Variants in HSD17B14 observed in about 807,000 individuals in gnomAD.
HSD17B14 encodes L-fucose dehydrogenase.
A neutral mutation model predicts 32.2 loss-of-function variants in HSD17B14; 32 were observed. That is an observed-to-expected ratio of 0.99 (90% CI 0.75 to 1.33). HSD17B14 has a LOEUF of 1.33. HSD17B14 is among the 40% of genes most tolerant of loss of function. The pLI, the probability that HSD17B14 is intolerant of heterozygous loss-of-function variation, is 0.00. For synonymous variants in HSD17B14, 140 were observed against 155.4 expected (o/e 0.90, Z 0.74); for missense variants, 370 against 366.5 (o/e 1.01, Z -0.08).
At chr19:48,833,562 C>T (rs1314391229) in intron 3 of HSD17B14, among the ~76,000 whole-genome samples, 3 of 151,806 alleles carry the variant, frequency 2.0e-5, no homozygotes, top group East Asian at 1.9e-4. Flanking sequence ...CACGGTGGCT[C>T]ATGCTTGTAA....
At chr19:48,822,267 CGGT>C (rs1194555271) in intron 5 of HSD17B14, among the ~76,000 whole-genome samples, 6 of 95,200 alleles carry the variant, frequency 6.3e-5, no homozygotes, top group Non-Finnish European at 1.1e-4. Flanking sequence ...TTAGTAATGA[CGGT>C]GGTGATGATG....
At chr19:48,829,885 C>T (rs868210344) in intron 5 of HSD17B14, among the ~76,000 whole-genome samples, 1 of 150,870 alleles carries the variant, frequency 6.6e-6, no homozygotes, top group African/African-American at 2.4e-5. Context: ...TCAGGTGATC[C>T]GCCTGCCTCG....
chr19:48,833,431 C>G (rs1444019079), intron 3 of HSD17B14, among the ~76,000 whole-genome samples: 1 of 152,164 alleles, frequency 6.6e-6, no homozygotes, highest in Non-Finnish European at 1.5e-5. Context: ...GTGGCTCACA[C>G]CTGTAATCCC....
At position 48,815,043 on chromosome 19, in the gene HSD17B14, G is replaced by T. The variant is rs2035028026; in HGVS notation, c.468C>A (p.Ala156=). Reference sequence around the variant, plus strand: ...GGGGTAGGGGCTGCCATACCTTGGTGGCCACATAGGGAACTGCCTGGGCCT... The same window carrying T: ...GGGGTAGGGGCTGCCATACCTTGGTTGCCACATAGGGAACTGCCTGGGCCT... ...IGQAQAVPYV[A]TKGAVTAMTK... Residue 156 remains alanine (A), a synonymous_variant, in exon 6 of 9, where the codon GCC becomes GCA. Transcript: ENST00000263278. The T allele has an allele frequency of 6.2e-7, 1 of 1,612,910 alleles. No homozygotes were observed. Among genetic ancestry groups the T allele is most frequent in the Non-Finnish European group, 8.5e-7 (1 of 1,179,120 alleles).
At chr19:48,834,428 C>A (rs539226578) in intron 2 of HSD17B14, 70 bp from the exon 3 acceptor site, 10 of 962,974 alleles carry the variant, frequency 1.0e-5, no homozygotes, top group Admixed American at 6.8e-5. Flanking sequence ...GACTTGGACT[C>A]CTGGGTCTGA....
At chr19:48,826,542 T>TATATATACACACAC in intron 5 of HSD17B14, among the ~76,000 whole-genome samples, 64 of 80,106 alleles carry the variant, frequency 8.0e-4, no homozygotes, top group African/African-American at 3.3e-3. Context: ...TATATATATA[T>TATATATACACACAC]ACACACACAC....
Position 48,813,060 on chromosome 19 carries a change from C to T in HSD17B14, c.*115G>A, listed in dbSNP as rs2034986706. On this transcript the variant is annotated 3_prime_UTR_variant, in exon 9 of 9. Transcript: ENST00000263278. ...TTTTATGGGAACCTGCAGGGTGACC[C>T]GGCACCTTGCTAACTGGGCTTAGAG... 5 of 630,384 alleles carry T rather than the reference C, an allele frequency of 7.9e-6. No individual in the cohort carries two copies. The highest frequency in any genetic ancestry group is 3.0e-5 in the Admixed American group (1 of 33,034). The allele number at this position is 630,384 out of a possible 1,614,324, so 39.0% of individuals were successfully genotyped here.
At chr19:48,831,565 A>C (rs1568523998) in intron 5 of HSD17B14, 103 bp downstream of exon 5, 1 of 862,072 alleles carries the variant, frequency 1.2e-6, no homozygotes, top group Non-Finnish European at 2.0e-6. Flanking sequence ...ACAAACAAAC[A>C]AATAAAAAGA....
intron 5 of HSD17B14, among the ~76,000 whole-genome samples, chr19:48,820,073 C>T (rs1156305381): frequency 6.6e-6 from 1 of 152,170 alleles, no homozygotes; most frequent in Admixed American, 6.6e-5. Context: ...GGGAGGATTA[C>T]TTGAGCCTGG....
chr19:48,823,193 T>C (rs1230032249), intron 5 of HSD17B14, among the ~76,000 whole-genome samples: 5 of 148,402 alleles, frequency 3.4e-5, no homozygotes, highest in African/African-American at 4.8e-5. Context: ...AATGGTATTT[T>C]TGTTATGTAA....
intron 5 of HSD17B14, among the ~76,000 whole-genome samples, chr19:48,816,004 G>A (rs2035043764): frequency 7.4e-6 from 1 of 135,562 alleles, no homozygotes. Context: ...CTGGGCAACA[G>A]AGCAAGACTC....
At position 48,834,273 on chromosome 19, in the gene HSD17B14, T is replaced by C; in HGVS notation, c.210+3A>G. 1 of 1,613,212 alleles carries C rather than the reference T, an allele frequency of 6.2e-7. No homozygotes were observed. The highest frequency in any genetic ancestry group is 8.5e-7 in the Non-Finnish European group (1 of 1,179,276). ...TGGGGGTAGGAACAGGAACTCGGCT[T>C]ACCTTCACATCATCTTCCTGAGTCA... On this transcript the variant is annotated splice_donor_region_variant and intron_variant, in intron 3 of 8. Coordinates refer to ENST00000263278, the MANE Select transcript of HSD17B14 (RefSeq NM_016246.3).
At chr19:48,829,995 G>T (rs944816713) in intron 5 of HSD17B14, among the ~76,000 whole-genome samples, 2 of 149,788 alleles carry the variant, frequency 1.3e-5, no homozygotes, top group South Asian at 4.2e-4. Context: ...TTGAGACAAG[G>T]TCTCACTCTG....
At chr19:48,818,727 C>A (rs2035098176) in intron 5 of HSD17B14, among the ~76,000 whole-genome samples, 1 of 152,114 alleles carries the variant, frequency 6.6e-6, no homozygotes, top group African/African-American at 2.4e-5. Flanking sequence ...GGGCCAGGTG[C>A]AGTGGCAGGT....
intron 5 of HSD17B14, among the ~76,000 whole-genome samples, chr19:48,816,130 T>TGC (rs1442872581): frequency 6.6e-6 from 1 of 152,028 alleles, no homozygotes; most frequent in African/African-American, 2.4e-5. Context: ...TCTGTGTGTG[T>TGC]GCGTGTGTGT....
At chr19:48,831,042 C>A (rs1379807684) in intron 5 of HSD17B14, among the ~76,000 whole-genome samples, 1 of 151,840 alleles carries the variant, frequency 6.6e-6, no homozygotes, top group Non-Finnish European at 1.5e-5. Flanking sequence ...CGCTGTATTG[C>A]CCCAGCTGTC....
rs776466547 is a variant in HSD17B14 at position 48,816,823 on chromosome 19, C to CTTTCTTTCT, written c.370-1683_370-1682insAGAAAGAAA. Among the ~76,000 whole-genome samples, 150 of 50,768 alleles carry CTTTCTTTCT rather than the reference C, an allele frequency of 3.0e-3. 1 individual carries two copies. Among genetic ancestry groups the CTTTCTTTCT allele is most frequent in the African/African-American group, 0.011 (139 of 12,354 alleles). The allele number at this position is 50,768 out of a possible 152,430, so 33.3% of individuals were successfully genotyped here. On this transcript the variant is annotated intron_variant, in intron 5 of 8. Coordinates refer to ENST00000263278, the MANE Select transcript of HSD17B14 (RefSeq NM_016246.3). Reference sequence around the variant, plus strand: ...TCTTTCTTTCTTTCTTTCTTTCTTTCTTTTCTTTCTCTCTCTCTCTCTCTT... The same window carrying CTTTCTTTCT: ...TCTTTCTTTCTTTCTTTCTTTCTTTCTTTCTTTCTTTTTCTTTCTCTCTCTCTCTCTCTT...
Position 48,826,528 on chromosome 19 carries a change from A to AATATATATATATATATATATATATATAT in HSD17B14, c.369+5139_369+5140insATATATATATATATATATATATATATAT, listed in dbSNP as rs1555776984. Among the ~76,000 whole-genome samples, 75 of 22,944 alleles carry AATATATATATATATATATATATATATAT rather than the reference A, an allele frequency of 3.3e-3. 2 individuals are homozygous for AATATATATATATATATATATATATATAT. The highest frequency in any genetic ancestry group is 8.1e-3 in the East Asian group (3 of 372). 15.1% of individuals were successfully genotyped at this position (22,944 alleles called of 152,430 possible). On this transcript the variant is annotated intron_variant, in intron 5 of 8. Coordinates refer to ENST00000263278, the MANE Select transcript of HSD17B14 (RefSeq NM_016246.3). The stretch of plus-strand genomic sequence containing the variant: ...AAAAAAAAGTAAAAGAAAAGAAGAA[A>AATATATATATATATATATATATATATAT]ATATATATATATATACACACACACA...
At chr19:48,832,516 C>A in intron 4 of HSD17B14, 150 bp downstream of exon 4, 2 of 711,132 alleles carry the variant, frequency 2.8e-6, no homozygotes, top group Non-Finnish European at 2.5e-6. Context: ...GCCTGGGGGG[C>A]TTCCATTGCT....
Sources: gnomAD v4.1 joint callset for allele counts (sites outside exome capture counted in the v4.1 genomes callset) on GRCh38, gnomAD v4.1.1 for gene constraint, MANE v1.5 for transcripts, NCBI Gene and HGNC (gene_info 2026-07-23, HGNC 2026-07-21) for gene names.